Variants in TMEM201 observed in about 807,000 individuals in gnomAD.
TMEM201 encodes the protein RP13-15M17.2.
TMEM201 carries 26 observed loss-of-function variants against 63.4 expected under a neutral mutation model. That is an observed-to-expected ratio of 0.41 (90% CI 0.30 to 0.57). The LOEUF is 0.57. Ranked by LOEUF, TMEM201 falls within the 20% of genes least tolerant of loss-of-function variation. The pLI, the probability that TMEM201 is intolerant of heterozygous loss-of-function variation, is 0.29. For synonymous variants in TMEM201, 417 were observed against 421.6 expected, an observed-to-expected ratio of 0.99 and a Z score of 0.14; for missense variants, 794 against 917.7, an observed-to-expected ratio of 0.87 and a Z score of 1.74.
In TMEM201 at chr1:9,604,833, G is replaced by A. The variant is rs999720340; in HGVS notation, c.1160+2561G>A. ...TGTTGCTGAGTCTCTGTCTCATGTC[G>A]TAGAATTGTGGATAATTGTCTAGTG... On this transcript the variant is annotated intron_variant, in intron 6 of 10. Coordinates refer to ENST00000340381, the MANE Select transcript of TMEM201 (RefSeq NM_001130924.3). The surrounding 1 kb of genome is among the most constrained non-coding windows in gnomAD (Gnocchi z 4.1). 23 of 985,832 alleles carry A rather than the reference G, an allele frequency of 2.3e-5. No individual in the cohort carries two copies. In the African/African-American group the frequency reaches 2.8e-4, roughly 12 times the overall value. 61.1% of individuals were successfully genotyped at this position (985,832 alleles called of 1,614,324 possible). A position where few individuals can be genotyped will look rare whatever the true frequency, so the allele number is the denominator to read the frequency against.
In TMEM201 at chr1:9,604,968, C is replaced by T. The variant is rs1289166856; in HGVS notation, c.1161-2589C>T. On this transcript the variant is annotated intron_variant, in intron 6 of 10. Transcript: ENST00000340381. This position sits in a 1 kb window ranked among gnomAD's most constrained non-coding sequence, Gnocchi z 4.1. ...GCTTTTACCCGCTGGCGTCAGGTGC[C>T]GCGTCTTTCTTCTTTTTTCTTTCTT... The T allele has an allele frequency of 3.0e-6, 3 of 985,704 alleles. No individual in the cohort carries two copies. Among genetic ancestry groups the T allele is most frequent in the South Asian group, 9.4e-5 (2 of 21,276 alleles). 61.1% of individuals were successfully genotyped at this position (985,704 alleles called of 1,614,324 possible).
chr1:9,603,856 C>T lies in TMEM201; in HGVS notation c.1160+1584C>T. 1 of 985,442 alleles carries T rather than the reference C, an allele frequency of 1.0e-6. No individual in the cohort carries two copies. The highest frequency in any genetic ancestry group is 1.2e-6 in the Non-Finnish European group (1 of 829,948). The allele number at this position is 985,442 out of a possible 1,614,324, so 61.0% of individuals were successfully genotyped here. ...GACCTGCGTGGCTTCAGACAAGGCCCCAGCGTTACTGGGCTCAGCTTGTTG... is the reference window on the plus strand; with the variant it reads ...GACCTGCGTGGCTTCAGACAAGGCCTCAGCGTTACTGGGCTCAGCTTGTTG... On this transcript the variant is annotated intron_variant, in intron 6 of 10. Coordinates refer to ENST00000340381, the MANE Select transcript of TMEM201 (RefSeq NM_001130924.3). The surrounding 1 kb of genome is among the most constrained non-coding windows in gnomAD (Gnocchi z 4.5).
Position 9,610,536 on chromosome 1 carries a change from C to T in TMEM201, c.1496C>T (p.Pro499Leu), listed in dbSNP as rs1231212003. The T allele has an allele frequency of 1.3e-6, 2 of 1,541,778 alleles. No individual in the cohort carries two copies. Among genetic ancestry groups the T allele is most frequent in the African/African-American group, 1.4e-5 (1 of 72,978 alleles). The change falls in exon 9 of 11, where the codon CCC (proline) becomes CTC (leucine). Residue 499 changes from proline to leucine, a missense_variant. By Grantham distance (98) the Pro-to-Leu change is moderately conservative. Transcript: ENST00000340381. This position sits in a 1 kb window ranked among gnomAD's most constrained non-coding sequence, Gnocchi z 4.9. ...TTCTCTCTTCTGTCGGGGAGCTGCC[C>T]CTCCTCCCCACTCCCTTCCCCAGCG... ...DYFSLLSGSC[P>L]SSPLPSPAPS...
intron 1 of TMEM201, among the ~76,000 whole-genome samples, chr1:9,592,899 C>T (rs1014045743): frequency 2.6e-5 from 4 of 152,200 alleles, no homozygotes; most frequent in African/African-American, 9.7e-5. Flanking sequence ...AGCTGCTGTC[C>T]CCCCAGAGCT....
intron 10 of TMEM201, among the ~76,000 whole-genome samples, chr1:9,612,156 T>C (rs1202147220): frequency 1.3e-5 from 2 of 152,330 alleles, no homozygotes; most frequent in East Asian, 3.9e-4. Flanking sequence ...TGAATTAAAA[T>C]TAAATAAAGT....
chr1:9,595,257 C>T (rs545068689), intron 1 of TMEM201, among the ~76,000 whole-genome samples: 4 of 152,326 alleles, frequency 2.6e-5, no homozygotes, highest in South Asian at 4.1e-4. Flanking sequence ...TGTCACCACA[C>T]GTGTAGCCAG....
rs1209201716 is a variant in TMEM201, at chr1:9,610,610, C to T, written c.1570C>T (p.Arg524Cys). Residue 524 changes from arginine (R) to cysteine (C), a missense_variant, in exon 9 of 11, where the codon CGC becomes TGC. Arg to Cys is a radical substitution (Grantham distance 180). Coordinates refer to ENST00000340381, the MANE Select transcript of TMEM201 (RefSeq NM_001130924.3). The surrounding 1 kb of genome is among the most constrained non-coding windows in gnomAD (Gnocchi z 4.9). ...CTCCAGCTCCGGCTCTCTGCGCCAC[C>T]GCAGGCCCCTCATCAGCCCTGCCCG... The part of the protein sequence containing the change: ...VASSSGSLRH[R>C]RPLISPARLN... 18 of 1,550,494 alleles carry T rather than the reference C, an allele frequency of 1.2e-5. No homozygotes were observed. Among genetic ancestry groups the T allele is most frequent in the Non-Finnish European group, 1.5e-5 (17 of 1,146,926 alleles).
chr1:9,600,952 C>T (rs894580945), intron 4 of TMEM201, among the ~76,000 whole-genome samples, 153 bp from the exon 5 acceptor site: 2 of 152,116 alleles, frequency 1.3e-5, no homozygotes, highest in Non-Finnish European at 2.9e-5. Context: ...AGAAGTGAGG[C>T]GGGCCGGTGG....
At position 9,595,690 on chromosome 1, in the gene TMEM201, G is replaced by A. The variant is rs1644004916; in HGVS notation, c.114-200G>A. ...TGTCTGGTCCTGGGTGGATGCAGCC[G>A]TACCTAGTCTGCGTTCCTCTCCTTC... On this transcript the variant is annotated intron_variant, in intron 1 of 10. Coordinates refer to ENST00000340381, the MANE Select transcript of TMEM201 (RefSeq NM_001130924.3). Among the ~76,000 whole-genome samples, 4 of 152,082 alleles carry A rather than the reference G, an allele frequency of 2.6e-5. No homozygotes were observed. In the South Asian group the frequency reaches 8.3e-4, roughly 31 times the overall value.
chr1:9,605,624 C>T lies in TMEM201; in HGVS notation c.1161-1933C>T, dbSNP rs976785981. Among the ~76,000 whole-genome samples the T allele has an allele frequency of 1.3e-5, 2 of 152,314 alleles. No individual in the cohort carries two copies. The highest frequency in any genetic ancestry group is 6.5e-5 in the Admixed American group (1 of 15,292). On this transcript the variant is annotated intron_variant, in intron 6 of 10. Transcript: ENST00000340381. This position sits in a 1 kb window ranked among gnomAD's most constrained non-coding sequence, Gnocchi z 5.7. Reference sequence around the variant, plus strand: ...AGGTCTTGCTGGTTGAGTGATGTTCCCACATATCACAGTGAGGGAGTCAAA... The same window carrying T: ...AGGTCTTGCTGGTTGAGTGATGTTCTCACATATCACAGTGAGGGAGTCAAA...
intron 1 of TMEM201, among the ~76,000 whole-genome samples, chr1:9,591,623 C>T (rs11121448): frequency 0.023 from 3,561 of 152,362 alleles, 143 homozygotes; most frequent in African/African-American, 0.079. Flanking sequence ...ACCACCGCCC[C>T]GCCTCCGGGG....
chr1:9,601,968 C>G (rs1644151173), intron 5 of TMEM201, 101 bp from the exon 6 acceptor site: 2 of 1,396,748 alleles, frequency 1.4e-6, no homozygotes, highest in East Asian at 2.5e-5. Context: ...GCTCTGGACT[C>G]TTCTGAGCAG....
chr1:9,589,566 G>C lies in TMEM201; in HGVS notation c.113+523G>C, dbSNP rs537944319. ...ATGGTTTGAGCCGATGGAATCTGCA[G>C]GGCAGACCCCGAGGCTGGGCTGCCT... is the stretch of plus-strand genomic sequence containing the variant. On this transcript the variant is annotated intron_variant, in intron 1 of 10. Coordinates refer to ENST00000340381, the MANE Select transcript of TMEM201 (RefSeq NM_001130924.3). Among the ~76,000 whole-genome samples the C allele has an allele frequency of 8.5e-5, 13 of 152,392 alleles. No homozygotes were observed. The South Asian group carries it at 2.7e-3, about 32-fold the overall frequency.
intron 1 of TMEM201, among the ~76,000 whole-genome samples, chr1:9,595,251 A>G (rs1158719485): frequency 6.6e-6 from 1 of 152,152 alleles, no homozygotes; most frequent in African/African-American, 2.4e-5. Context: ...CCCACCTGTC[A>G]CCACACGTGT....
At position 9,604,325 on chromosome 1, in the gene TMEM201, G is replaced by A. The variant is rs959609572; in HGVS notation, c.1160+2053G>A. The A allele has an allele frequency of 1.7e-5, 17 of 985,404 alleles. No homozygotes were observed. The highest frequency in any genetic ancestry group is 1.2e-4 in the African/African-American group (7 of 57,342). 61.0% of individuals were successfully genotyped at this position (985,404 alleles called of 1,614,324 possible). ...GCTGATGTCGCTCCTGCCCTCTGCC[G>A]GGGTCCGGAAGCGACATCTCAGGAG... On this transcript the variant is annotated intron_variant, in intron 6 of 10. Transcript: ENST00000340381. The surrounding 1 kb of genome is among the most constrained non-coding windows in gnomAD (Gnocchi z 4.1).
At chr1:9,602,636 G>A (rs936398280) in intron 6 of TMEM201, 80 of 1,176,172 alleles carry the variant, frequency 6.8e-5, no homozygotes, top group Middle Eastern at 3.7e-4. Flanking sequence ...CTCTCACCAC[G>A]CCGTTTGCTG....
intron 6 of TMEM201, among the ~76,000 whole-genome samples, chr1:9,606,898 C>G (rs1476441912): frequency 1.3e-5 from 2 of 152,172 alleles, no homozygotes; most frequent in Admixed American, 1.3e-4. Flanking sequence ...AGAGCCTCTT[C>G]CAGGGGGTTC....
chr1:9,613,056 G>C lies in TMEM201; in HGVS notation c.1974G>C (p.Ser658=), dbSNP rs777661563. ...TGGCCGCCAACGCCCTGTTCACCTC[G>C]GTGTTTCTGTACCAGAGCCTGCGCT... ...VSLAANALFT[S]VFLYQSLR Residue 658 remains serine (S), a synonymous_variant, in exon 11 of 11, where the codon TCG becomes TCC. Transcript: ENST00000340381. The C allele has an allele frequency of 1.3e-6, 2 of 1,551,230 alleles. No individual in the cohort carries two copies. Among genetic ancestry groups the C allele is most frequent in the Non-Finnish European group, 8.7e-7 (1 of 1,146,994 alleles).
chr1:9,597,174 G>T, intron 3 of TMEM201, 121 bp downstream of exon 3: 1 of 1,214,768 alleles, frequency 8.2e-7, no homozygotes. Context: ...GCTAGACAGC[G>T]GCTTTTCTGT....
Sources: gnomAD v4.1 joint callset for allele counts (sites outside exome capture counted in the v4.1 genomes callset) on GRCh38, gnomAD v4.1.1 for gene constraint, Gnocchi (gnomAD v3.1) non-coding constraint, MANE v1.5 for transcripts, NCBI Gene and HGNC (gene_info 2026-07-23, HGNC 2026-07-21) for gene names.